Variants in RALGPS1 observed in about 807,000 individuals in gnomAD.
RALGPS1 encodes the protein Ral GEF with PH domain and SH3 binding motif 1.
A neutral mutation model predicts 78.8 loss-of-function variants in RALGPS1; 19 were observed. The observed-to-expected ratio is 0.24, with a 90% CI of 0.17 to 0.35. RALGPS1 has a LOEUF of 0.35. RALGPS1 is among the 10% of genes least tolerant of loss of function. The probability of loss-of-function intolerance (pLI) is 1.00; values close to 1 mark genes in which losing one functional copy is unlikely to be tolerated. For missense variants in RALGPS1, 454 were observed against 688.3 expected, an observed-to-expected ratio of 0.66 and a Z score of 3.81; for synonymous variants, 228 against 256.3, an observed-to-expected ratio of 0.89 and a Z score of 1.06.
intron 14 of RALGPS1, among the ~76,000 whole-genome samples, chr9:127,206,469 G>GCTT (rs1400255953): frequency 6.6e-6 from 1 of 152,140 alleles, no homozygotes; most frequent in African/African-American, 2.4e-5. Flanking sequence ...AAAGGGGGAA[G>GCTT]AGCCCCTTAG....
chr9:126,989,022 C>T (rs139324430), intron 4 of RALGPS1, among the ~76,000 whole-genome samples: 125 of 152,230 alleles, frequency 8.2e-4, no homozygotes, highest in Non-Finnish European at 1.5e-3. Context: ...CCACTTGAGC[C>T]TAGGAGTTTG....
intron 14 of RALGPS1, among the ~76,000 whole-genome samples, chr9:127,201,176 T>C (rs1192622497): frequency 6.6e-6 from 1 of 152,254 alleles, no homozygotes; most frequent in African/African-American, 2.4e-5. Flanking sequence ...TAGATCACTA[T>C]CCATCTGAAT....
At chr9:126,989,735 T>C (rs1191760515) in intron 4 of RALGPS1, among the ~76,000 whole-genome samples, 1 of 152,148 alleles carries the variant, frequency 6.6e-6, no homozygotes, top group African/African-American at 2.4e-5. Flanking sequence ...TTAACAGAAA[T>C]GTTTTGGGAC....
At chr9:126,995,611 A>G (rs572856961) in intron 4 of RALGPS1, among the ~76,000 whole-genome samples, 1 of 152,256 alleles carries the variant, frequency 6.6e-6, no homozygotes, top group South Asian at 2.1e-4. Context: ...TGTCAACATT[A>G]GACAGATCAA....
intron 8 of RALGPS1, among the ~76,000 whole-genome samples, chr9:127,085,015 G>A (rs1216743333): frequency 6.6e-6 from 1 of 152,212 alleles, no homozygotes; most frequent in African/African-American, 2.4e-5. Context: ...AAGAGTGTCT[G>A]TGAACTGTGA....
chr9:127,074,182 G>A (rs1271604567), intron 8 of RALGPS1, among the ~76,000 whole-genome samples: 4 of 152,134 alleles, frequency 2.6e-5, no homozygotes, highest in Non-Finnish European at 4.4e-5. Flanking sequence ...GTGCCTGGCC[G>A]AGATTTTAAT....
At chr9:127,133,187 C>T (rs1286104032) in intron 8 of RALGPS1, among the ~76,000 whole-genome samples, 1 of 152,220 alleles carries the variant, frequency 6.6e-6, no homozygotes, top group Admixed American at 6.5e-5. Flanking sequence ...GGCGTGGCCC[C>T]ATGGGGAGGG....
intron 1 of RALGPS1, among the ~76,000 whole-genome samples, chr9:126,923,935 C>A (rs1443027100): frequency 6.6e-6 from 1 of 152,194 alleles, no homozygotes; most frequent in East Asian, 1.9e-4. Context: ...TTTAATGTAT[C>A]TCTGGCTATA....
intron 1 of RALGPS1, among the ~76,000 whole-genome samples, chr9:126,944,930 T>A (rs1388993413): frequency 6.6e-6 from 1 of 151,928 alleles, no homozygotes; most frequent in Non-Finnish European, 1.5e-5. Flanking sequence ...AAATTTAGAG[T>A]CTAGTTTTGG....
At chr9:127,098,152 A>G (rs929117053) in intron 8 of RALGPS1, among the ~76,000 whole-genome samples, 3 of 152,222 alleles carry the variant, frequency 2.0e-5, no homozygotes, top group Admixed American at 2.0e-4. Flanking sequence ...GATGTTTTCC[A>G]TGTATTTTTA....
chr9:127,204,733 G>A (rs537660078), intron 14 of RALGPS1, among the ~76,000 whole-genome samples: 88 of 152,286 alleles, frequency 5.8e-4, no homozygotes, highest in African/African-American at 1.9e-3. Context: ...TTACCTGTTC[G>A]TTTTAGCTGG....
intron 4 of RALGPS1, among the ~76,000 whole-genome samples, chr9:126,993,552 A>G (rs1170140265): frequency 6.6e-6 from 1 of 151,436 alleles, no homozygotes; most frequent in Non-Finnish European, 1.5e-5. Flanking sequence ...TTTCTTTTAA[A>G]TAGAGTTTAT....
chr9:126,983,695 C>T (rs949859052), intron 4 of RALGPS1, among the ~76,000 whole-genome samples: 1 of 152,056 alleles, frequency 6.6e-6, no homozygotes, highest in African/African-American at 2.4e-5. Flanking sequence ...GTCCATCCTC[C>T]CTCTCCTCCC....
At chr9:127,065,001 T>C (rs2049559025) in intron 7 of RALGPS1, among the ~76,000 whole-genome samples, 1 of 151,994 alleles carries the variant, frequency 6.6e-6, no homozygotes, top group South Asian at 2.1e-4. Context: ...TGGAGTGTAA[T>C]AGCTCATAGC....
At chr9:127,021,793 T>A (rs1016265159) in intron 4 of RALGPS1, among the ~76,000 whole-genome samples, 9 of 152,130 alleles carry the variant, frequency 5.9e-5, no homozygotes, top group Non-Finnish European at 1.2e-4. Flanking sequence ...TGAGCAGAGC[T>A]GCTGGCGGCT....
intron 8 of RALGPS1, chr9:127,079,927 C>T (rs1218061484): frequency 2.6e-5 from 4 of 152,338 alleles, no homozygotes; most frequent in Middle Eastern, 6.8e-3. Flanking sequence ...CACTACTCCA[C>T]ATTTATTACT....
At chr9:127,170,449 G>T (rs768394288) in intron 10 of RALGPS1, among the ~76,000 whole-genome samples, 2 of 152,174 alleles carry the variant, frequency 1.3e-5, no homozygotes, top group African/African-American at 2.4e-5. Context: ...ATAAGAAATT[G>T]TGATCTGTTA....
At chr9:127,049,278 G>A (rs1259533258) in intron 5 of RALGPS1, among the ~76,000 whole-genome samples, 1 of 152,184 alleles carries the variant, frequency 6.6e-6, no homozygotes, top group Admixed American at 6.5e-5. Context: ...CTCTTCCGTT[G>A]CATTGAGGTG....
chr9:127,185,131 C>A (rs1444526750), intron 11 of RALGPS1, among the ~76,000 whole-genome samples: 1 of 152,170 alleles, frequency 6.6e-6, no homozygotes, highest in Non-Finnish European at 1.5e-5. Flanking sequence ...ACGGTCACCC[C>A]AAGTCCCCCT....
Sources: gnomAD v4.1 joint callset for allele counts (sites outside exome capture counted in the v4.1 genomes callset) on GRCh38, gnomAD v4.1.1 for gene constraint, MANE v1.5 for transcripts, NCBI Gene and HGNC (gene_info 2026-07-23, HGNC 2026-07-21) for gene names.